Variants in ZNF473 observed in about 807,000 individuals in gnomAD.
The protein encoded by ZNF473 is zinc finger protein 473.
Under a neutral mutation model 11.1 loss-of-function variants are expected in ZNF473, and 4 were observed. The ratio of observed to expected loss-of-function variants is 0.36; its 90% confidence interval spans 0.18 to 0.82. The LOEUF is 0.82. Ranked by LOEUF, ZNF473 falls within the 40% of genes least tolerant of loss-of-function variation. The pLI, the probability that ZNF473 is intolerant of heterozygous loss-of-function variation, is 0.49. For missense variants in ZNF473, 854 were observed against 1,084.0 expected (o/e 0.79, Z 2.98); for synonymous variants, 404 against 390.4 (o/e 1.03, Z -0.41).
Position 50,043,446 on chromosome 19 carries a change from A to ATAT in ZNF473, c.227-1224_227-1223insTAT, listed in dbSNP as rs1555735316. On this transcript the variant is annotated intron_variant, in intron 4 of 4. Transcript: ENST00000270617. ...GACTCAGTCTCCAAAAAAAAAAAAA[A>ATAT]AAATATATATATATATATATATATA... 4.7e-5 allele frequency: 5 copies of ATAT among 107,334 alleles called. No individual in the cohort carries two copies. In the Admixed American group the frequency reaches 4.9e-4, roughly 11 times the overall value. 6.6% of individuals were successfully genotyped at this position (107,334 alleles called of 1,614,324 possible).
Position 50,045,034 on chromosome 19 carries a change from C to T in ZNF473, c.591C>T (p.Ser197=). ...AGTTTTTCTCCTACTCCGACCACAG[C>T]CAGCAGGATTCTGTTCAGGAAGGGG... ...RGEFFSYSDH[S]QQDSVQEGEK... is the part of the protein sequence containing the mutation. Residue 197 remains serine (S), a synonymous_variant, in exon 5 of 5, where the codon AGC becomes AGT. Coordinates refer to ENST00000270617, the MANE Select transcript of ZNF473 (RefSeq NM_015428.4). 6.2e-7 allele frequency: 1 copy of T among 1,614,140 alleles called. No homozygotes were observed. The highest frequency in any genetic ancestry group is 8.5e-7 in the Non-Finnish European group (1 of 1,180,030).
rs151232054 is a variant in ZNF473 at position 50,044,863 on chromosome 19, C to G, written c.420C>G (p.Asn140Lys). The change falls in exon 5 of 5, where the codon AAC becomes AAG. Residue 140 changes from asparagine to lysine, a missense_variant. Transcript: ENST00000270617. The stretch of plus-strand genomic sequence containing the variant: ...TTCTGAGGTCTGATATTGCCACCAA[C>G]GGGGAAAGTCCCACGGAATGCAAGA... ...ESLLRSDIAT[N>K]GESPTECKSH... The G allele has an allele frequency of 6.2e-7, 1 of 1,614,162 alleles. No individual in the cohort carries two copies. Among genetic ancestry groups the G allele is most frequent in the Non-Finnish European group, 8.5e-7 (1 of 1,180,040 alleles).
intron 4 of ZNF473, chr19:50,043,525 G>A (rs969279975): frequency 6.7e-6 from 1 of 149,668 alleles, no homozygotes; most frequent in African/African-American, 2.5e-5. Flanking sequence ...CTGTAAGAAA[G>A]CAGAAACGTG....
chr19:50,038,922 G>T (rs1193560144), intron 2 of ZNF473, among the ~76,000 whole-genome samples: 1 of 152,234 alleles, frequency 6.6e-6, no homozygotes, highest in Admixed American at 6.5e-5. Flanking sequence ...CCTGGGTTCA[G>T]TCCCACCTGT....
Position 50,048,120 on chromosome 19 carries a change from C to G in ZNF473, c.*1061C>G, listed in dbSNP as rs142305988. 2.6e-5 allele frequency: 4 copies of G among 152,196 alleles called. No homozygotes were observed. The highest frequency in any genetic ancestry group is 9.7e-5 in the African/African-American group (4 of 41,424). 9.4% of individuals were successfully genotyped at this position (152,196 alleles called of 1,614,324 possible). On this transcript the variant is annotated 3_prime_UTR_variant, in exon 5 of 5. Transcript: ENST00000270617. ...TCAGAAATGAACCCATTTTCATCGA[C>G]GATTGCTGTTAGTTGACAAGTGACA... is the stretch of plus-strand genomic sequence containing the variant.
rs768105474 is a variant in ZNF473 at position 50,048,491 on chromosome 19, T to C, written c.*1432T>C. The C allele has an allele frequency of 2.0e-5, 3 of 152,248 alleles. No homozygotes were observed. The highest frequency in any genetic ancestry group is 4.4e-5 in the Non-Finnish European group (3 of 68,046). The allele number at this position is 152,248 out of a possible 1,614,324, so 9.4% of individuals were successfully genotyped here. Reference sequence around the variant, plus strand: ...AAACTGGGAACCTGTTGGCTAACCATTGGGGCCTTACACTGTTTTTCAAAT... The same window carrying C: ...AAACTGGGAACCTGTTGGCTAACCACTGGGGCCTTACACTGTTTTTCAAAT... On this transcript the variant is annotated 3_prime_UTR_variant, in exon 5 of 5. Transcript: ENST00000270617.
intron 2 of ZNF473, among the ~76,000 whole-genome samples, 194 bp downstream of exon 2, chr19:50,031,285 G>A (rs1350237407): frequency 6.6e-6 from 1 of 152,104 alleles, no homozygotes; most frequent in African/African-American, 2.4e-5. Flanking sequence ...AGGAAAGCTC[G>A]CATGCTGTTC....
chr19:50,038,348 C>T (rs1253505883), intron 2 of ZNF473, among the ~76,000 whole-genome samples: 1 of 151,814 alleles, frequency 6.6e-6, no homozygotes, highest in Non-Finnish European at 1.5e-5. Flanking sequence ...CCTTGGGTAA[C>T]CATGTGTTAC....
At chr19:50,037,977 A>G (rs1044339844) in intron 2 of ZNF473, among the ~76,000 whole-genome samples, 1 of 150,222 alleles carries the variant, frequency 6.7e-6, no homozygotes, top group African/African-American at 2.4e-5. Flanking sequence ...GTCCTATACG[A>G]ACTCTACCGC....
chr19:50,044,369 C>T (rs2089094320), intron 4 of ZNF473, among the ~76,000 whole-genome samples: 1 of 152,058 alleles, frequency 6.6e-6, no homozygotes, highest in African/African-American at 2.4e-5. Context: ...GGTGACAGTA[C>T]AGGATAGAGT....
At position 50,047,025 on chromosome 19, in the gene ZNF473, A is replaced by G; in HGVS notation, c.2582A>G (p.Gln861Arg). The part of the protein sequence containing the change: ...FRCHSSLSRH[Q>R]RVHNKQQYCL ...TGCCACTCGAGCCTCAGCCGCCATC[A>G]GCGTGTACACAACAAGCAGCAATAC... The change falls in exon 5 of 5, where the codon CAG becomes CGG. Residue 861 changes from glutamine (Q) to arginine (R), a missense_variant. Coordinates refer to ENST00000270617, the MANE Select transcript of ZNF473 (RefSeq NM_015428.4). 6.2e-7 allele frequency: 1 copy of G among 1,613,884 alleles called. No homozygotes were observed. Among genetic ancestry groups the G allele is most frequent in the East Asian group, 2.2e-5 (1 of 44,888 alleles).
At position 50,045,602 on chromosome 19, in the gene ZNF473, A is replaced by C; in HGVS notation, c.1159A>C (p.Ser387Arg). The C allele has an allele frequency of 6.2e-7, 1 of 1,614,206 alleles. No homozygotes were observed. The highest frequency in any genetic ancestry group is 8.5e-7 in the Non-Finnish European group (1 of 1,180,022). Residue 387 changes from serine (S) to arginine (R), a missense_variant, in exon 5 of 5, where the codon AGT becomes CGT. By Grantham distance (110) the Ser-to-Arg change is moderately radical (BLOSUM62 -1). Transcript: ENST00000270617. ...GGAGTGTGGGAAGATTTTTAGGCAC[A>C]GTTCGCTGCTCATTGAACACCAGGC... ...CQECGKIFRH[S>R]SLLIEHQALH... is the part of the protein sequence containing the mutation.
At position 50,031,175 on chromosome 19, in the gene ZNF473, G is replaced by A. The variant is rs77971455; in HGVS notation, c.9+84G>A. On this transcript the variant is annotated intron_variant, in intron 2 of 4. Coordinates refer to ENST00000270617, the MANE Select transcript of ZNF473 (RefSeq NM_015428.4). ...TCCTTTGTGGCCGAGGCGAGTTGAA[G>A]GTCGCTCTGTGTTGATTGGTCACCC... is the stretch of plus-strand genomic sequence containing the variant. The A allele has an allele frequency of 2.1e-3, 3,262 of 1,536,760 alleles. 62 individuals are homozygous for A. In the African/African-American group the frequency reaches 0.04, roughly 19 times the overall value.
chr19:50,034,445 C>T (rs2077334554), intron 2 of ZNF473, among the ~76,000 whole-genome samples: 1 of 152,188 alleles, frequency 6.6e-6, no homozygotes, highest in Non-Finnish European at 1.5e-5. Flanking sequence ...CAGAAATGCA[C>T]ACACATCAAA....
intron 2 of ZNF473, among the ~76,000 whole-genome samples, chr19:50,035,452 C>CGT (rs3222106): frequency 0.073 from 10,043 of 138,406 alleles, 502 homozygotes; most frequent in East Asian, 0.16. Context: ...TTCTTTCATA[C>CGT]GTGTGTGTGT....
chr19:50,036,595 A>G, intron 2 of ZNF473, among the ~76,000 whole-genome samples: 1 of 150,448 alleles, frequency 6.6e-6, no homozygotes, highest in African/African-American at 2.5e-5. Flanking sequence ...AAGTGCTGGG[A>G]TTACAGGTTT....
At position 50,047,746 on chromosome 19, in the gene ZNF473, C is replaced by G. The variant is rs565146074; in HGVS notation, c.*687C>G. 1 of 152,372 alleles carries G rather than the reference C, an allele frequency of 6.6e-6. No individual in the cohort carries two copies. Among genetic ancestry groups the G allele is most frequent in the Non-Finnish European group, 1.5e-5 (1 of 68,084 alleles). 9.4% of individuals were successfully genotyped at this position (152,372 alleles called of 1,614,324 possible). A position where few individuals can be genotyped will look rare whatever the true frequency, so the allele number is the denominator to read the frequency against. ...CTTCCACTCCTAACCTCCCAAGCTT[C>G]TCACTTAAAGAGGACTCCCTATCCC... On this transcript the variant is annotated 3_prime_UTR_variant, in exon 5 of 5. Coordinates refer to ENST00000270617, the MANE Select transcript of ZNF473 (RefSeq NM_015428.4).
chr19:50,045,692 A>G lies in ZNF473; in HGVS notation c.1249A>G (p.Thr417Ala). Residue 417 changes from threonine to alanine, a missense_variant, in exon 5 of 5, where the codon ACC becomes GCC. Transcript: ENST00000270617. ...ERGKSFRHNS[T>A]LKIHQRVHSG... ...TGGGAAATCCTTCAGGCATAACTCT[A>G]CCCTAAAGATCCATCAGAGGGTTCA... is the stretch of plus-strand genomic sequence containing the variant. 3 of 1,614,122 alleles carry G rather than the reference A, an allele frequency of 1.9e-6. No individual in the cohort carries two copies. Among genetic ancestry groups the G allele is most frequent in the Non-Finnish European group, 2.5e-6 (3 of 1,180,020 alleles).
chr19:50,030,195 A>G (rs1197193770), intron 1 of ZNF473, among the ~76,000 whole-genome samples: 1 of 152,110 alleles, frequency 6.6e-6, no homozygotes, highest in African/African-American at 2.4e-5. Flanking sequence ...GGTTAAAACA[A>G]AAGTTGAAAT....
Sources: gnomAD v4.1 joint callset for allele counts (sites outside exome capture counted in the v4.1 genomes callset) on GRCh38, gnomAD v4.1.1 for gene constraint, MANE v1.5 for transcripts, NCBI Gene and HGNC (gene_info 2026-07-23, HGNC 2026-07-21) for gene names.